The following KIAA1217 variants were observed in gnomAD, a reference collection of about 807,000 sequenced individuals.
KIAA1217 encodes KIAA1217, also known as sickle tail protein homolog.
Under a neutral mutation model 163.9 loss-of-function variants are expected in KIAA1217, and 88 were observed. The observed-to-expected ratio is 0.54, with a 90% CI of 0.45 to 0.64. The LOEUF (loss-of-function observed/expected upper bound fraction) is 0.64, where lower values mean the gene tolerates loss of function less well. Among genes scored for constraint, KIAA1217 ranks in the 30% least tolerant of loss-of-function variants. KIAA1217 has a pLI of 0.00. For missense variants in KIAA1217, 2,372 were observed against 2,475.0 expected (o/e 0.96, Z 0.88); for synonymous variants, 903 against 923.1 (o/e 0.98, Z 0.39).
chr10:24,206,318 A>G (rs1825846422), upstream of KIAA1217, among the ~76,000 whole-genome samples: 1 of 152,372 alleles, frequency 6.6e-6, no homozygotes, highest in African/African-American at 2.4e-5. Context: ...AAATTAAACC[A>G]GAAAGAAATA....
At chr10:24,060,406 T>A (rs1189310160) in intron 2 of KIAA1217, among the ~76,000 whole-genome samples, 5 of 152,212 alleles carry the variant, frequency 3.3e-5, no homozygotes, top group Non-Finnish European at 7.3e-5. Context: ...AGCATGTAGT[T>A]TAATTTCTAC....
At chr10:24,335,590 T>A (rs972197384) in intron 2 of KIAA1217, among the ~76,000 whole-genome samples, 7 of 139,762 alleles carry the variant, frequency 5.0e-5, no homozygotes, top group African/African-American at 8.2e-5. Context: ...CTTATTTTAT[T>A]TATTTATTTA....
chr10:24,193,537 G>A (rs892427104), intron 2 of KIAA1217, among the ~76,000 whole-genome samples: 1 of 152,182 alleles, frequency 6.6e-6, no homozygotes, highest in African/African-American at 2.4e-5. Context: ...CCATGGTCAG[G>A]TCAGATAATA....
rs774686589 is a variant in KIAA1217 at position 24,457,360 on chromosome 10, G to GTGTGTGTGTGTGTGTGTGTGTGTGTT, written c.847-15865_847-15864insGTGTGTGTGTGTGTGTGTGTGTTTGT. On this transcript the variant is annotated intron_variant, in intron 5 of 20. Coordinates refer to ENST00000376454, the MANE Select transcript of KIAA1217 (RefSeq NM_019590.5). Reference sequence around the variant, plus strand: ...TTTTTTGTTTTGTGTGTGTGTGTGTGTGTATGTGTGTGTGGGTGGCGGGGT... The same window carrying GTGTGTGTGTGTGTGTGTGTGTGTGTT: ...TTTTTTGTTTTGTGTGTGTGTGTGTGTGTGTGTGTGTGTGTGTGTGTGTGTTTGTATGTGTGTGTGGGTGGCGGGGT... Among the ~76,000 whole-genome samples the GTGTGTGTGTGTGTGTGTGTGTGTGTT allele has an allele frequency of 2.8e-3, 430 of 151,656 alleles. 5 individuals are homozygous for GTGTGTGTGTGTGTGTGTGTGTGTGTT. Among genetic ancestry groups the GTGTGTGTGTGTGTGTGTGTGTGTGTT allele is most frequent in the African/African-American group, 9.9e-3 (408 of 41,380 alleles).
At chr10:23,723,231 A>G (rs1374915503) in intron 1 of KIAA1217, among the ~76,000 whole-genome samples, 3 of 152,080 alleles carry the variant, frequency 2.0e-5, no homozygotes, top group Admixed American at 6.6e-5. Flanking sequence ...CTCTTTCTGC[A>G]CTGACTGGCC....
intron 2 of KIAA1217, among the ~76,000 whole-genome samples, chr10:24,051,309 A>G (rs1440711013): frequency 6.6e-6 from 1 of 152,072 alleles, no homozygotes; most frequent in Non-Finnish European, 1.5e-5. Flanking sequence ...TCATTGGTTG[A>G]TGGGCATTTA....
At chr10:23,895,394 G>C (rs1293798559) in intron 1 of KIAA1217, among the ~76,000 whole-genome samples, 3 of 152,134 alleles carry the variant, frequency 2.0e-5, no homozygotes, top group African/African-American at 7.2e-5. Flanking sequence ...ATGAAAAAAT[G>C]CTCACCATCA....
chr10:23,777,361 A>T (rs1835050904), intron 1 of KIAA1217, among the ~76,000 whole-genome samples: 3 of 152,176 alleles, frequency 2.0e-5, no homozygotes, highest in Admixed American at 6.5e-5. Context: ...TTAACATTCC[A>T]TCTTAGACAA....
chr10:24,117,086 G>A (rs141103626), intron 2 of KIAA1217, among the ~76,000 whole-genome samples: 16,501 of 151,676 alleles, frequency 0.11, 1,351 homozygotes, highest in African/African-American at 0.23. Flanking sequence ...TGCCCAGGCT[G>A]GAGTGCAGTG....
intron 2 of KIAA1217, among the ~76,000 whole-genome samples, chr10:24,141,643 G>A (rs568462562): frequency 2.0e-5 from 3 of 152,148 alleles, no homozygotes; most frequent in Non-Finnish European, 4.4e-5. Context: ...GCCACTGGAC[G>A]AAGATCACAC....
At chr10:23,868,809 C>T (rs138342850) in intron 1 of KIAA1217, among the ~76,000 whole-genome samples, 89 of 152,196 alleles carry the variant, frequency 5.8e-4, no homozygotes, top group African/African-American at 2.1e-3. Context: ...AATGTTATCA[C>T]TTGATATCAC....
chr10:23,907,966 ATTC>A (rs1190419799), intron 1 of KIAA1217, among the ~76,000 whole-genome samples: 1 of 152,156 alleles, frequency 6.6e-6, no homozygotes, highest in Non-Finnish European at 1.5e-5. Context: ...GAAGAAGAAA[ATTC>A]TTCTTTGCTT....
At chr10:24,217,031 C>CAA (rs60303909) in intron 1 of KIAA1217, among the ~76,000 whole-genome samples, 7,437 of 21,274 alleles carry the variant, frequency 0.35, 3,009 homozygotes, top group East Asian at 0.68. Context: ...GACCTTGTCT[C>CAA]AAAAAAAAAA....
intron 1 of KIAA1217, among the ~76,000 whole-genome samples, chr10:23,962,208 G>A (rs1485147370): frequency 1.3e-5 from 2 of 152,220 alleles, no homozygotes; most frequent in African/African-American, 4.8e-5. Flanking sequence ...TAGAGTTGAA[G>A]AGCCTGGATT....
chr10:24,317,198 C>T (rs922012543), intron 2 of KIAA1217, among the ~76,000 whole-genome samples: 10 of 152,218 alleles, frequency 6.6e-5, no homozygotes, highest in East Asian at 5.8e-4. Flanking sequence ...TCAATGTATA[C>T]CTAATATCTA....
At chr10:24,301,144 C>T (rs886751115) in intron 2 of KIAA1217, among the ~76,000 whole-genome samples, 10 of 152,082 alleles carry the variant, frequency 6.6e-5, no homozygotes, top group African/African-American at 9.7e-5. Context: ...CTTTTGAGCC[C>T]GGCAATCTCA....
rs536064075 is a variant in KIAA1217 at position 24,154,755 on chromosome 10, A to G, written c.-170-64871A>G. ...GCTGGGCATGATTGTGTGTGCCTGT[A>G]GTCCCAGCTACTTGGGGAATATTTT... On this transcript the variant is annotated intron_variant, in intron 2 of 18. Coordinates refer to the KIAA1217 transcript ENST00000376462. 2.9e-4 allele frequency among the ~76,000 whole-genome samples: 44 copies of G among 152,258 alleles called. 1 individual carries two copies. The South Asian group carries it at 8.9e-3, about 31-fold the overall frequency.
chr10:23,732,313 C>G (rs1402542398), intron 1 of KIAA1217, among the ~76,000 whole-genome samples: 1 of 151,962 alleles, frequency 6.6e-6, no homozygotes, highest in Non-Finnish European at 1.5e-5. Flanking sequence ...GGTTTCACAT[C>G]TATGGATTCA....
chr10:23,741,882 C>T (rs1839137819), intron 1 of KIAA1217, among the ~76,000 whole-genome samples: 1 of 152,090 alleles, frequency 6.6e-6, no homozygotes, highest in South Asian at 2.1e-4. Context: ...AAGAATGAAA[C>T]AAGTGATGGG....
Sources: gnomAD v4.1 joint callset for allele counts (sites outside exome capture counted in the v4.1 genomes callset) on GRCh38, gnomAD v4.1.1 for gene constraint, MANE v1.5 for transcripts, NCBI Gene and HGNC (gene_info 2026-07-23, HGNC 2026-07-21) for gene names.